Variants in SYNDIG1 observed in about 807,000 individuals in gnomAD.
The protein encoded by SYNDIG1 is synapse differentiation-inducing gene protein 1.
Under a neutral mutation model 19.4 loss-of-function variants are expected in SYNDIG1, and 9 were observed. That is an observed-to-expected ratio of 0.46 (90% CI 0.28 to 0.81). The LOEUF (loss-of-function observed/expected upper bound fraction) is 0.81. Among genes scored for constraint, SYNDIG1 ranks in the 30% least tolerant of loss-of-function variants. The pLI is 0.12. For missense variants in SYNDIG1, 311 were observed against 343.3 expected (o/e 0.91, Z 0.74); for synonymous variants, 141 against 145.9 (o/e 0.97, Z 0.24).
rs758967104 is a variant in SYNDIG1, at chr20:24,665,358, G to A, written c.631G>A (p.Val211Met). 21 of 1,599,928 alleles carry A rather than the reference G, an allele frequency of 1.3e-5. No homozygotes were observed. The highest frequency in any genetic ancestry group is 1.7e-4 in the Middle Eastern group (1 of 5,990). Reference protein sequence around the residue: ...FYLSHETNKAVAKGDLHQAST... With the variant: ...FYLSHETNKAMAKGDLHQAST... ...TCCAACTCTGCAGACCAACAAAGCC[G>A]TGGCCAAGGGGGACTTGCACCAGGC... Residue 211 changes from valine (V) to methionine (M), a missense_variant, in exon 4 of 4, where the codon GTG (valine) becomes ATG (methionine). Val to Met is a conservative substitution (Grantham distance 21). Coordinates refer to ENST00000376862, the MANE Select transcript of SYNDIG1 (RefSeq NM_024893.3).
In SYNDIG1 at chr20:24,658,418, C is replaced by G. The variant is rs929563051; in HGVS notation, c.619-6928C>G. Among the ~76,000 whole-genome samples, 4 of 152,064 alleles carry G rather than the reference C, an allele frequency of 2.6e-5. No individual in the cohort carries two copies. Among genetic ancestry groups the G allele is most frequent in the Non-Finnish European group, 4.4e-5 (3 of 68,000 alleles). On this transcript the variant is annotated intron_variant, in intron 3 of 3. Transcript: ENST00000376862. The surrounding 1 kb of genome is among the most constrained non-coding windows in gnomAD (Gnocchi z 4.4). The stretch of plus-strand genomic sequence containing the variant: ...CCGGTGCTCCTCCCCGTGACAGATT[C>G]CACACAGGAGCTGCAGGCCGTGGAC...
intron 2 of SYNDIG1, among the ~76,000 whole-genome samples, chr20:24,580,701 G>C (rs888982171): frequency 2.6e-5 from 4 of 152,074 alleles, no homozygotes; most frequent in East Asian, 1.9e-4. Flanking sequence ...GAACAACCAT[G>C]CCCACCCCTC....
chr20:24,599,251 A>G (rs2058642154), intron 3 of SYNDIG1, among the ~76,000 whole-genome samples: 1 of 152,220 alleles, frequency 6.6e-6, no homozygotes, highest in Non-Finnish European at 1.5e-5. Context: ...ACCACTAATC[A>G]TCAGAAAAAT....
At chr20:24,567,242 G>A (rs560433284) in intron 2 of SYNDIG1, among the ~76,000 whole-genome samples, 1 of 152,248 alleles carries the variant, frequency 6.6e-6, no homozygotes, top group Non-Finnish European at 1.5e-5. Context: ...CTTCCCCCTG[G>A]CAGTTCAAAT....
At chr20:24,538,679 T>C (rs572062750) in intron 1 of SYNDIG1, among the ~76,000 whole-genome samples, 1 of 152,328 alleles carries the variant, frequency 6.6e-6, no homozygotes, top group African/African-American at 2.4e-5. Context: ...ACTGCCATAC[T>C]GTTTTCCAAA....
intron 2 of SYNDIG1, among the ~76,000 whole-genome samples, chr20:24,552,569 T>G (rs1459078319): frequency 6.6e-6 from 1 of 152,126 alleles, no homozygotes; most frequent in Non-Finnish European, 1.5e-5. Flanking sequence ...TTGTTTTTTT[T>G]TGTCCTTGCA....
intron 3 of SYNDIG1, among the ~76,000 whole-genome samples, chr20:24,621,440 G>C (rs1347067682): frequency 2.6e-5 from 4 of 152,256 alleles, no homozygotes; most frequent in African/African-American, 9.6e-5. Flanking sequence ...TTTCAGATTT[G>C]CTGAAATACT....
intron 3 of SYNDIG1, among the ~76,000 whole-genome samples, chr20:24,619,787 C>T (rs1009065593): frequency 6.6e-5 from 10 of 152,120 alleles, no homozygotes; most frequent in Non-Finnish European, 1.3e-4. Flanking sequence ...ATACTGTATC[C>T]CAGACCCCAT....
intron 1 of SYNDIG1, among the ~76,000 whole-genome samples, chr20:24,483,709 T>G (rs1273309510): frequency 1.3e-5 from 2 of 152,210 alleles, no homozygotes; most frequent in Non-Finnish European, 2.9e-5. Flanking sequence ...CAAGAGTAGT[T>G]CGTTCACCAC....
At chr20:24,560,694 C>CTTTT (rs10658853) in intron 2 of SYNDIG1, among the ~76,000 whole-genome samples, 4 of 113,814 alleles carry the variant, frequency 3.5e-5, no homozygotes, top group African/African-American at 6.7e-5. Context: ...CTGTTGACTA[C>CTTTT]TTTTTTTTTT....
intron 1 of SYNDIG1, among the ~76,000 whole-genome samples, chr20:24,514,149 G>A (rs996789006): frequency 4.6e-5 from 7 of 152,212 alleles, no homozygotes; most frequent in South Asian, 2.1e-4. Context: ...AGGAACACCC[G>A]GTACTAGCCA....
At chr20:24,659,638 C>T (rs1250573026) in intron 3 of SYNDIG1, among the ~76,000 whole-genome samples, 2 of 152,296 alleles carry the variant, frequency 1.3e-5, no homozygotes, top group East Asian at 3.9e-4. Context: ...GAAACGGCCA[C>T]TGCAAATACA....
Position 24,666,224 on chromosome 20 carries a change from G to A in SYNDIG1, c.*720G>A, listed in dbSNP as rs370175307. The A allele has an allele frequency of 5.2e-5, 8 of 152,778 alleles. 1 individual carries two copies. Among genetic ancestry groups the A allele is most frequent in the African/African-American group, 1.9e-4 (8 of 41,574 alleles). The allele number at this position is 152,778 out of a possible 1,614,324, so 9.5% of individuals were successfully genotyped here. ...GGACCTCGCTGATCTAGGATGGGGA[G>A]GCAGGCCACCGCCCCTCCCAAGACT... On this transcript the variant is annotated 3_prime_UTR_variant, in exon 4 of 4. Coordinates refer to ENST00000376862, the MANE Select transcript of SYNDIG1 (RefSeq NM_024893.3).
At chr20:24,554,365 G>A (rs2057767969) in intron 2 of SYNDIG1, among the ~76,000 whole-genome samples, 1 of 152,186 alleles carries the variant, frequency 6.6e-6, no homozygotes, top group Non-Finnish European at 1.5e-5. Context: ...GATGAGAGAG[G>A]CATCACTGTC....
chr20:24,660,830 T>C lies in SYNDIG1; in HGVS notation c.619-4516T>C, dbSNP rs77549415. 3.2e-3 allele frequency among the ~76,000 whole-genome samples: 489 copies of C among 152,314 alleles called. 5 individuals are homozygous for C. Among genetic ancestry groups the C allele is most frequent in the African/African-American group, 0.011 (471 of 41,582 alleles). On this transcript the variant is annotated intron_variant, in intron 3 of 3. Transcript: ENST00000376862. ...TGGTCCCTGGAGAACACCTAGGCCT[T>C]TGTTCCCTGCCCAGCCAGGGGCTGG...
At chr20:24,649,638 G>A (rs2059450752) in intron 3 of SYNDIG1, among the ~76,000 whole-genome samples, 1 of 152,094 alleles carries the variant, frequency 6.6e-6, no homozygotes, top group African/African-American at 2.4e-5. Flanking sequence ...TGAGGCTATG[G>A]GATTTATGCA....
intron 2 of SYNDIG1, among the ~76,000 whole-genome samples, chr20:24,580,552 G>A (rs2058305080): frequency 6.6e-6 from 1 of 152,092 alleles, no homozygotes; most frequent in Non-Finnish European, 1.5e-5. Flanking sequence ...TGAGACTACA[G>A]GCATGCACCA....
chr20:24,527,403 TTTTA>T (rs2146591399), intron 1 of SYNDIG1, among the ~76,000 whole-genome samples: 1 of 152,312 alleles, frequency 6.6e-6, no homozygotes, highest in East Asian at 1.9e-4. Context: ...CCTTCTTGTG[TTTTA>T]TTTATGTAAG....
intron 1 of SYNDIG1, among the ~76,000 whole-genome samples, chr20:24,474,654 G>A (rs963125846): frequency 6.6e-6 from 1 of 152,132 alleles, no homozygotes; most frequent in African/African-American, 2.4e-5. Flanking sequence ...TAAATACTGG[G>A]GTGGCATTTA....
Sources: allele counts gnomAD v4.1 joint callset (sites outside exome capture counted in the v4.1 genomes callset), GRCh38; gene constraint gnomAD v4.1.1; non-coding constraint Gnocchi (gnomAD v3.1); transcripts MANE v1.5; gene names NCBI Gene and HGNC (gene_info 2026-07-23, HGNC 2026-07-21).